The following RALGAPA2 variants were observed in gnomAD, a reference collection of about 807,000 sequenced individuals.
The protein encoded by RALGAPA2 is ral GTPase-activating protein subunit alpha-2.
RALGAPA2 carries 139 observed loss-of-function variants against 230.4 expected under a neutral mutation model. The ratio of observed to expected loss-of-function variants is 0.60; its 90% CI spans 0.53 to 0.69. The LOEUF is 0.69. Ranked by LOEUF, RALGAPA2 falls within the 30% of genes least tolerant of loss-of-function variation. RALGAPA2 has a pLI of 0.00. For missense variants in RALGAPA2, 2,163 were observed against 2,276.0 expected (o/e 0.95, Z 1.01); for synonymous variants, 847 against 837.8 (o/e 1.01, Z -0.19).
intron 1 of RALGAPA2, among the ~76,000 whole-genome samples, chr20:20,681,771 G>A (rs1397669270): frequency 3.3e-5 from 5 of 152,076 alleles, no homozygotes; most frequent in South Asian, 2.1e-4. Flanking sequence ...CAGGGTAATC[G>A]CCCGAACTCA....
chr20:20,634,334 TC>T (rs2066784333), intron 9 of RALGAPA2, among the ~76,000 whole-genome samples: 1 of 152,208 alleles, frequency 6.6e-6, no homozygotes, highest in African/African-American at 2.4e-5. Flanking sequence ...CTAATTTTTT[TC>T]CCAGCAATAA....
At chr20:20,403,995 T>G (rs189226962) in intron 38 of RALGAPA2, among the ~76,000 whole-genome samples, 1 of 152,296 alleles carries the variant, frequency 6.6e-6, no homozygotes, top group East Asian at 1.9e-4. Context: ...AGGTCACAGC[T>G]GAGTGCTGCG....
intron 23 of RALGAPA2, among the ~76,000 whole-genome samples, chr20:20,552,223 T>C (rs1273023812): frequency 6.6e-6 from 1 of 152,162 alleles, no homozygotes; most frequent in African/African-American, 2.4e-5. Flanking sequence ...CAGATGATGG[T>C]TGTAACACAA....
intron 27 of RALGAPA2, among the ~76,000 whole-genome samples, chr20:20,531,153 C>T (rs1447848620): frequency 1.3e-5 from 2 of 152,238 alleles, no homozygotes; most frequent in African/African-American, 2.4e-5. Flanking sequence ...ATTGCAACAT[C>T]TATCTTGCAG....
chr20:20,673,766 G>A (rs912676873), intron 3 of RALGAPA2, among the ~76,000 whole-genome samples: 1 of 152,094 alleles, frequency 6.6e-6, no homozygotes, highest in African/African-American at 2.4e-5. Context: ...ATATAACAGA[G>A]AAAGAAGAAA....
intron 31 of RALGAPA2, among the ~76,000 whole-genome samples, chr20:20,514,712 T>A (rs1009543385): frequency 6.6e-6 from 1 of 152,188 alleles, no homozygotes; most frequent in Admixed American, 6.5e-5. Flanking sequence ...CTCCACCCCA[T>A]GCCCAGGCAT....
intron 38 of RALGAPA2, among the ~76,000 whole-genome samples, chr20:20,400,124 G>T (rs909494500): frequency 2.6e-5 from 4 of 152,220 alleles, no homozygotes; most frequent in Admixed American, 2.0e-4. Flanking sequence ...TGGCTCTGAG[G>T]AAGGGAACAG....
chr20:20,482,176 A>G (rs1230876829), intron 36 of RALGAPA2, among the ~76,000 whole-genome samples: 1 of 152,188 alleles, frequency 6.6e-6, no homozygotes, highest in Non-Finnish European at 1.5e-5. Flanking sequence ...TTCTGTGTCA[A>G]AAGGGGCAGA....
chr20:20,624,281 C>T (rs559379579), intron 10 of RALGAPA2, among the ~76,000 whole-genome samples: 83 of 147,080 alleles, frequency 5.6e-4, no homozygotes, highest in Non-Finnish European at 1.0e-3. Context: ...GAGCCAAGAT[C>T]GCACCACTGC....
At chr20:20,543,356 A>C (rs2063699420) in intron 24 of RALGAPA2, among the ~76,000 whole-genome samples, 1 of 152,106 alleles carries the variant, frequency 6.6e-6, no homozygotes, top group South Asian at 2.1e-4. Context: ...GAACTTAAAC[A>C]AATTTATAAG....
chr20:20,402,098 GT>G (rs2059854484), intron 38 of RALGAPA2, among the ~76,000 whole-genome samples: 1 of 152,210 alleles, frequency 6.6e-6, no homozygotes, highest in African/African-American at 2.4e-5. Context: ...GGAGCAATGA[GT>G]CCTGTCTGAG....
intron 37 of RALGAPA2, among the ~76,000 whole-genome samples, chr20:20,416,941 G>C (rs1242607835): frequency 6.6e-6 from 1 of 152,168 alleles, no homozygotes; most frequent in African/African-American, 2.4e-5. Flanking sequence ...TGTGTGTGCT[G>C]TAACAGTTTG....
chr20:20,609,197 C>T (rs889193763), intron 14 of RALGAPA2, among the ~76,000 whole-genome samples: 9 of 152,124 alleles, frequency 5.9e-5, no homozygotes, highest in African/African-American at 2.2e-4. Flanking sequence ...AGGGGTCTCA[C>T]TCTATTGCCC....
chr20:20,531,898 G>C (rs570570355), intron 26 of RALGAPA2, 103 bp from the exon 27 acceptor site: 1 of 978,132 alleles, frequency 1.0e-6, no homozygotes, highest in South Asian at 1.6e-5. Context: ...ATACAAAATA[G>C]CAAATATTAT....
intron 23 of RALGAPA2, among the ~76,000 whole-genome samples, chr20:20,562,681 A>G (rs1332364979): frequency 6.6e-6 from 1 of 152,156 alleles, no homozygotes; most frequent in Non-Finnish European, 1.5e-5. Context: ...ATCATCTTAC[A>G]CTTTTTAAAG....
intron 13 of RALGAPA2, among the ~76,000 whole-genome samples, chr20:20,611,965 G>C (rs1365853916): frequency 3.3e-5 from 5 of 152,284 alleles, no homozygotes; most frequent in Non-Finnish European, 7.4e-5. Context: ...TACAGGCACA[G>C]TGCTCATGTC....
intron 31 of RALGAPA2, among the ~76,000 whole-genome samples, chr20:20,518,841 T>C (rs1003384134): frequency 6.6e-6 from 1 of 152,188 alleles, no homozygotes; most frequent in Non-Finnish European, 1.5e-5. Flanking sequence ...TTGATGACTT[T>C]AGGAAAAAAC....
At chr20:20,472,532 C>T (rs2061562142) in intron 37 of RALGAPA2, 3 of 196,808 alleles carry the variant, frequency 1.5e-5, no homozygotes, top group African/African-American at 2.4e-5. Flanking sequence ...TGAGACTGAA[C>T]GTGGGGCAAA....
intron 1 of RALGAPA2, among the ~76,000 whole-genome samples, chr20:20,688,374 A>G (rs918267529): frequency 6.6e-6 from 1 of 152,174 alleles, no homozygotes; most frequent in African/African-American, 2.4e-5. Context: ...TGTGGATGAA[A>G]ATACTAATTT....
Sources: gnomAD v4.1 joint callset for allele counts (sites outside exome capture counted in the v4.1 genomes callset) on GRCh38, gnomAD v4.1.1 for gene constraint, MANE v1.5 for transcripts, NCBI Gene and HGNC (gene_info 2026-07-23, HGNC 2026-07-21) for gene names.